The following NCAM2 variants were observed in gnomAD, a reference collection of about 807,000 sequenced individuals.
The protein encoded by NCAM2 is neural cell adhesion molecule 2.
NCAM2 carries 30 observed loss-of-function variants against 98.1 expected under a neutral mutation model. The ratio of observed to expected loss-of-function variants is 0.31; its 90% CI spans 0.23 to 0.41. NCAM2 has a LOEUF of 0.41. Among genes scored for constraint, NCAM2 ranks in the 10% least tolerant of loss-of-function variants. The pLI is 1.00. For missense variants in NCAM2, 867 were observed against 1,005.8 expected, an observed-to-expected ratio of 0.86 and a Z score of 1.87; for synonymous variants, 368 against 342.4, an observed-to-expected ratio of 1.07 and a Z score of -0.83.
chr21:21,467,145 G>A (rs1232039287), intron 13 of NCAM2, among the ~76,000 whole-genome samples: 1 of 151,712 alleles, frequency 6.6e-6, no homozygotes, highest in Non-Finnish European at 1.5e-5. Context: ...TGTCAGAAAA[G>A]GAATCATTAT....
chr21:21,447,528 C>A (rs1980366370), intron 12 of NCAM2, among the ~76,000 whole-genome samples: 1 of 152,036 alleles, frequency 6.6e-6, no homozygotes, highest in African/African-American at 2.4e-5. Flanking sequence ...GCAATTGCAA[C>A]AAAAGCCAAA....
chr21:21,534,713 CATT>C (rs1432340328), intron 17 of NCAM2, 57 bp downstream of exon 17: 14 of 1,348,358 alleles, frequency 1.0e-5, no homozygotes, highest in Non-Finnish European at 1.4e-5. Flanking sequence ...AATGATAACA[CATT>C]ATTATTGTTG....
At chr21:21,472,399 T>G (rs1366096069) in intron 14 of NCAM2, among the ~76,000 whole-genome samples, 1 of 152,024 alleles carries the variant, frequency 6.6e-6, no homozygotes, top group African/African-American at 2.4e-5. Context: ...TAAGAAAACA[T>G]TTTCCAGTTA....
chr21:21,283,370 A>C (rs1186001037), intron 2 of NCAM2, among the ~76,000 whole-genome samples: 1 of 151,944 alleles, frequency 6.6e-6, no homozygotes, highest in Non-Finnish European at 1.5e-5. Context: ...TGAAGTAATT[A>C]GGTGAAATAC....
At chr21:21,100,558 A>G (rs1018919601) in intron 1 of NCAM2, among the ~76,000 whole-genome samples, 2 of 152,062 alleles carry the variant, frequency 1.3e-5, no homozygotes, top group Non-Finnish European at 1.5e-5. Flanking sequence ...GAGTTTACCT[A>G]TATTTCCCTA....
chr21:21,044,885 G>A (rs1047487135), intron 1 of NCAM2, among the ~76,000 whole-genome samples: 1 of 152,082 alleles, frequency 6.6e-6, no homozygotes, highest in Admixed American at 6.6e-5. Flanking sequence ...AGGATCCCTT[G>A]AGCCCAGAGA....
At chr21:21,315,106 T>A (rs949113540) in intron 5 of NCAM2, among the ~76,000 whole-genome samples, 2 of 152,172 alleles carry the variant, frequency 1.3e-5, no homozygotes, top group African/African-American at 4.8e-5. Flanking sequence ...TTTGTTTAGA[T>A]CAGACAACAA....
At chr21:21,166,572 C>T (rs1000649129) in intron 1 of NCAM2, among the ~76,000 whole-genome samples, 1 of 152,092 alleles carries the variant, frequency 6.6e-6, no homozygotes, top group African/African-American at 2.4e-5. Flanking sequence ...CTCTGATGGG[C>T]CATTTGCAAT....
chr21:21,060,785 G>A (rs2065305628), intron 1 of NCAM2, among the ~76,000 whole-genome samples: 1 of 152,078 alleles, frequency 6.6e-6, no homozygotes, highest in Admixed American at 6.6e-5. Flanking sequence ...TTTTAATTGA[G>A]CTTAGAGCAG....
intron 1 of NCAM2, among the ~76,000 whole-genome samples, chr21:21,197,796 G>A (rs1192180760): frequency 2.6e-5 from 4 of 152,174 alleles, no homozygotes; most frequent in Admixed American, 2.6e-4. Flanking sequence ...ACTGAGCTGA[G>A]GGATTTTCTA....
chr21:21,169,956 C>CA (rs2068068444), intron 1 of NCAM2, among the ~76,000 whole-genome samples: 2 of 151,062 alleles, frequency 1.3e-5, no homozygotes, highest in African/African-American at 2.4e-5. Flanking sequence ...GACCCCGTCT[C>CA]AAAAAAATAA....
chr21:21,124,219 A>C (rs1388443021), intron 1 of NCAM2, among the ~76,000 whole-genome samples: 5 of 152,212 alleles, frequency 3.3e-5, no homozygotes. Context: ...ATTAATCAAC[A>C]TGGTGGCAGA....
Position 21,509,022 on chromosome 21 carries a change from G to A in NCAM2, c.2249G>A (p.Ser750Asn). The change falls in exon 16 of 18, where the codon AGT becomes AAT. Residue 750 changes from serine (S) to asparagine (N), a missense_variant. By Grantham distance (46) the Ser-to-Asn change is conservative. Coordinates refer to ENST00000400546, the MANE Select transcript of NCAM2 (RefSeq NM_004540.5). ...CGKKSGSSGK[S>N]KELEEGKAAY... is the part of the protein sequence containing the mutation. ...AAGAAAAGTGGCTCCAGTGGCAAAAGTAAAGAACTCGAAGAAGGAAAAGCT... is the reference window on the plus strand; with the variant it reads ...AAGAAAAGTGGCTCCAGTGGCAAAAATAAAGAACTCGAAGAAGGAAAAGCT... 6.2e-7 allele frequency: 1 copy of A among 1,613,456 alleles called. No homozygotes were observed. The highest frequency in any genetic ancestry group is 8.5e-7 in the Non-Finnish European group (1 of 1,179,736).
chr21:21,044,111 A>AT (rs2064962716), intron 1 of NCAM2, among the ~76,000 whole-genome samples: 1 of 152,128 alleles, frequency 6.6e-6, no homozygotes, highest in Admixed American at 6.5e-5. Flanking sequence ...ATACTAATAC[A>AT]TTTTACCTAC....
At chr21:21,528,663 A>C (rs1347258365) in intron 16 of NCAM2, among the ~76,000 whole-genome samples, 1 of 152,194 alleles carries the variant, frequency 6.6e-6, no homozygotes, top group Non-Finnish European at 1.5e-5. Context: ...GAAAGTCAAA[A>C]GACTAAAAGA....
At chr21:21,038,849 G>A (rs1293658246) in intron 1 of NCAM2, among the ~76,000 whole-genome samples, 1 of 152,152 alleles carries the variant, frequency 6.6e-6, no homozygotes, top group Non-Finnish European at 1.5e-5. Flanking sequence ...GCATGGCTCT[G>A]TGTGAGGAAT....
At chr21:21,330,878 C>T (rs147722606) in intron 6 of NCAM2, among the ~76,000 whole-genome samples, 157 of 152,158 alleles carry the variant, frequency 1.0e-3, no homozygotes, top group African/African-American at 2.3e-3. Flanking sequence ...AACTAAGTTA[C>T]GTCACTATGT....
Position 21,461,765 on chromosome 21 carries a change from T to C in NCAM2, c.1655-4841T>C, listed in dbSNP as rs113607811. Among the ~76,000 whole-genome samples, 354 of 152,044 alleles carry C rather than the reference T, an allele frequency of 2.3e-3. 2 individuals carry two copies. Among genetic ancestry groups the C allele is most frequent in the African/African-American group, 8.1e-3 (335 of 41,544 alleles). ...CAAGTAATGAGAACTTCAAACACAATATAATTTGTGCAAAAATGTAAATTT... is the reference window on the plus strand; with the variant it reads ...CAAGTAATGAGAACTTCAAACACAACATAATTTGTGCAAAAATGTAAATTT... On this transcript the variant is annotated intron_variant, in intron 12 of 17. Transcript: ENST00000400546.
At chr21:21,192,456 A>C (rs1332360337) in intron 1 of NCAM2, among the ~76,000 whole-genome samples, 1 of 152,182 alleles carries the variant, frequency 6.6e-6, no homozygotes, top group Non-Finnish European at 1.5e-5. Flanking sequence ...TATGGAAGTA[A>C]TTGAAACATT....
Sources: allele counts gnomAD v4.1 joint callset (sites outside exome capture counted in the v4.1 genomes callset), GRCh38; gene constraint gnomAD v4.1.1; transcripts MANE v1.5; gene names NCBI Gene and HGNC (gene_info 2026-07-23, HGNC 2026-07-21).